The following GGA3 variants were observed in gnomAD, a reference collection of about 807,000 sequenced individuals.
GGA3 encodes the protein ADP-ribosylation factor-binding protein GGA3.
A neutral mutation model predicts 77.5 loss-of-function variants in GGA3; 57 were observed. The observed-to-expected ratio is 0.74, with a 90% CI of 0.59 to 0.92. The LOEUF (loss-of-function observed/expected upper bound fraction) is 0.92, where lower values mean the gene tolerates loss of function less well. GGA3 is among the 40% of genes least tolerant of loss of function. GGA3 has a pLI of 0.00. For synonymous variants in GGA3, 416 were observed against 383.7 expected (o/e 1.08, Z -0.98); for missense variants, 970 against 914.9 (o/e 1.06, Z -0.78).
chr17:75,257,455 T>C (rs963046909), intron 1 of GGA3, among the ~76,000 whole-genome samples: 1 of 152,210 alleles, frequency 6.6e-6, no homozygotes, highest in African/African-American at 2.4e-5. Context: ...ACTGCCACTC[T>C]TAACTCTTGA....
chr17:75,238,520 T>TA, intron 16 of GGA3, 131 bp from the exon 17 acceptor site: 1 of 979,686 alleles, frequency 1.0e-6, no homozygotes, highest in East Asian at 2.5e-5. Context: ...CTCAGACACT[T>TA]AACCTAAGGC....
Position 75,261,598 on chromosome 17 carries a change from C to A in GGA3, c.-11G>T. On this transcript the variant is annotated 5_prime_UTR_variant, in exon 1 of 17. Transcript: ENST00000537686. ...TTCCGCCTCCGCCATATTGCAGCCG[C>A]CCGGCCCCGCGGCTTCAAAACTCGC... 1 of 1,544,296 alleles carries A rather than the reference C, an allele frequency of 6.5e-7. No individual in the cohort carries two copies. Among genetic ancestry groups the A allele is most frequent in the Non-Finnish European group, 8.7e-7 (1 of 1,145,966 alleles).
rs1423267435 is a variant in GGA3, at chr17:75,240,393, A to G, written c.1212T>C (p.Pro404=). ...LLCLGLADPA[P]NVPPKESAGN... ...CAGCTGACTCTTTGGGAGGAACATT[A>G]GGGGCTGGGTCGGCGAGGCCTGACA... Residue 404 remains proline, a synonymous_variant, in exon 12 of 17, where the codon CCT becomes CCC. Transcript: ENST00000537686. 4 of 1,599,264 alleles carry G rather than the reference A, an allele frequency of 2.5e-6. No individual in the cohort carries two copies. The highest frequency in any genetic ancestry group is 3.4e-6 in the Non-Finnish European group (4 of 1,173,486).
At chr17:75,241,283 G>T (rs2076546278) in intron 10 of GGA3, 117 bp downstream of exon 10, 3 of 787,478 alleles carry the variant, frequency 3.8e-6, no homozygotes, top group Admixed American at 4.5e-5. Flanking sequence ...GAATGGCAAA[G>T]AACTCCCTTG....
Position 75,253,327 on chromosome 17 carries a change from G to A in GGA3, c.41-6531C>T, listed in dbSNP as rs1038136908. Among the ~76,000 whole-genome samples the A allele has an allele frequency of 7.2e-4, 110 of 152,052 alleles. 1 individual carries two copies. Among genetic ancestry groups the A allele is most frequent in the Non-Finnish European group, 6.9e-4 (47 of 68,016 alleles). ...CTTTCATTTTCTGGTAGAGACAAACGAGACACGTTTTATCCGTGGACCCAA... is the reference window on the plus strand; with the variant it reads ...CTTTCATTTTCTGGTAGAGACAAACAAGACACGTTTTATCCGTGGACCCAA... On this transcript the variant is annotated intron_variant, in intron 1 of 16. Transcript: ENST00000537686.
At position 75,236,760 on chromosome 17, in the gene GGA3, G is replaced by A; in HGVS notation, c.*1519C>T. The A allele has an allele frequency of 6.5e-6, 1 of 153,874 alleles. No individual in the cohort carries two copies. Among genetic ancestry groups the A allele is most frequent in the Middle Eastern group, 3.2e-3 (1 of 316 alleles). The allele number at this position is 153,874 out of a possible 1,614,324, so 9.5% of individuals were successfully genotyped here. On this transcript the variant is annotated 3_prime_UTR_variant, in exon 17 of 17. Transcript: ENST00000537686. The stretch of plus-strand genomic sequence containing the variant: ...TAACACAAAGTTCCATTTCCACATA[G>A]TAATTCCACAGACATTCCCAGGGCT...
At chr17:75,243,939 T>C (rs2076663923) in intron 4 of GGA3, among the ~76,000 whole-genome samples, 1 of 152,148 alleles carries the variant, frequency 6.6e-6, no homozygotes, top group Admixed American at 6.5e-5. Flanking sequence ...GATGGAAACC[T>C]GAGTCTGACA....
At chr17:75,259,811 A>T (rs553679049) in intron 1 of GGA3, among the ~76,000 whole-genome samples, 2 of 152,276 alleles carry the variant, frequency 1.3e-5, no homozygotes, top group East Asian at 1.9e-4. Context: ...GTCTCTACAG[A>T]TACCATGTGA....
At position 75,239,380 on chromosome 17, in the gene GGA3, T is replaced by C; in HGVS notation, c.1775A>G (p.Lys592Arg). ...ASIHVPLESI[K>R]PSSALPVTAY... ...CTCAATCCTCCAACACCTACTAGGC[T>C]TGATCGATTCCAGGGGCACGTGGAT... The change falls in exon 14 of 17, where the codon AAG (lysine) becomes AGG (arginine). Residue 592 changes from lysine (K) to arginine (R), a missense_variant. By Grantham distance (26) the Lys-to-Arg change is conservative (BLOSUM62 2). Coordinates refer to ENST00000537686, the MANE Select transcript of GGA3 (RefSeq NM_138619.4). 6.5e-7 allele frequency: 1 copy of C among 1,545,644 alleles called. No individual in the cohort carries two copies. Among genetic ancestry groups the C allele is most frequent in the Non-Finnish European group, 8.7e-7 (1 of 1,152,598 alleles).
At chr17:75,252,391 A>G (rs1211498725) in intron 1 of GGA3, among the ~76,000 whole-genome samples, 9 of 152,180 alleles carry the variant, frequency 5.9e-5, no homozygotes, top group Admixed American at 2.0e-4. Flanking sequence ...CATGTGGTCT[A>G]TTAAGTCACT....
chr17:75,242,803 C>G (rs1214071024), intron 7 of GGA3, 28 bp downstream of exon 7: 3 of 1,571,276 alleles, frequency 1.9e-6, no homozygotes, highest in Non-Finnish European at 2.6e-6. Flanking sequence ...TCCTCCACCC[C>G]GTGCCTGAAG....
rs2076417152 is a variant in GGA3, at chr17:75,238,868, A to G, written c.1950+46T>C. 3.1e-6 allele frequency: 5 copies of G among 1,606,162 alleles called. No homozygotes were observed. In the African/African-American group the frequency reaches 5.3e-5, roughly 17 times the overall value. ...TGCTGGCTGCAAAGGCCTCTACACAACAGGGTCAAGATAAGGCCGTTTTGG... is the reference window on the plus strand; with the variant it reads ...TGCTGGCTGCAAAGGCCTCTACACAGCAGGGTCAAGATAAGGCCGTTTTGG... On this transcript the variant is annotated intron_variant, in intron 15 of 16. Transcript: ENST00000537686.
chr17:75,240,217 C>G, intron 12 of GGA3, 109 bp from the exon 13 acceptor site: 1 of 1,154,774 alleles, frequency 8.7e-7, no homozygotes, highest in South Asian at 1.4e-5. Flanking sequence ...CGGAGGCACT[C>G]ATTGTTCCCC....
Position 75,246,571 on chromosome 17 carries a change from C to T in GGA3, c.139G>A (p.Val47Ile), listed in dbSNP as rs747091327. ...NKELEGPQIA[V>I]RLLAHKIQSP... Reference sequence around the variant, plus strand: ...TGGATCTTGTGGGCCAGCAGTCGGACGGCGATCTGTGGCCTGGGGGACAAG... The same window carrying T: ...TGGATCTTGTGGGCCAGCAGTCGGATGGCGATCTGTGGCCTGGGGGACAAG... Residue 47 changes from valine (V) to isoleucine (I), a missense_variant, in exon 3 of 17, where the codon GTC becomes ATC. Physicochemically the swap from Val to Ile is conservative, Grantham distance 29 (BLOSUM62 3). Coordinates refer to ENST00000537686, the MANE Select transcript of GGA3 (RefSeq NM_138619.4). 1.4e-5 allele frequency: 23 copies of T among 1,613,788 alleles called. No individual in the cohort carries two copies. The highest frequency in any genetic ancestry group is 5.0e-5 in the Admixed American group (3 of 60,026).
chr17:75,246,302 G>A (rs1257752753), intron 3 of GGA3, among the ~76,000 whole-genome samples: 5 of 152,200 alleles, frequency 3.3e-5, no homozygotes, highest in Admixed American at 1.3e-4. Context: ...GGACGGCACT[G>A]CAGTCACCTC....
rs543948130 is a variant in GGA3, at chr17:75,240,395, G to C, written c.1210C>G (p.Pro404Ala). 1.9e-5 allele frequency: 31 copies of C among 1,598,670 alleles called. No homozygotes were observed. In the East Asian group the frequency reaches 6.3e-4, roughly 32 times the overall value. ...LLCLGLADPA[P>A]NVPPKESAGN... is the part of the protein sequence containing the mutation. Reference sequence around the variant, plus strand: ...GCTGACTCTTTGGGAGGAACATTAGGGGCTGGGTCGGCGAGGCCTGACAAT... The same window carrying C: ...GCTGACTCTTTGGGAGGAACATTAGCGGCTGGGTCGGCGAGGCCTGACAAT... The change falls in exon 12 of 17, where the codon CCT becomes GCT. Residue 404 changes from proline to alanine, a missense_variant. By Grantham distance (27) the Pro-to-Ala change is conservative. Coordinates refer to ENST00000537686, the MANE Select transcript of GGA3 (RefSeq NM_138619.4).
Position 75,239,519 on chromosome 17 carries a change from G to C in GGA3, c.1636C>G (p.Pro546Ala). ...TTSPLIPTTT[P>A]ARPLLPFSTG... ...GAGAAGGGCAGGAGGGGCCTGGCTGGGGTGGTGGTGGGGATGAGAGGGGAG... is the reference window on the plus strand; with the variant it reads ...GAGAAGGGCAGGAGGGGCCTGGCTGCGGTGGTGGTGGGGATGAGAGGGGAG... The change falls in exon 14 of 17, where the codon CCA (proline) becomes GCA (alanine). Residue 546 changes from proline (P) to alanine (A), a missense_variant. Pro to Ala is a conservative substitution (Grantham distance 27). Transcript: ENST00000537686. The C allele has an allele frequency of 6.4e-7, 1 of 1,567,910 alleles. No homozygotes were observed. Among genetic ancestry groups the C allele is most frequent in the Non-Finnish European group, 8.6e-7 (1 of 1,159,826 alleles).
At position 75,239,905 on chromosome 17, in the gene GGA3, G is replaced by A. The variant is rs1319207286; in HGVS notation, c.1467C>T (p.Ala489=). Residue 489 remains alanine (A), a synonymous_variant, in exon 13 of 17, where the codon GCC becomes GCT. Coordinates refer to ENST00000537686, the MANE Select transcript of GGA3 (RefSeq NM_138619.4). ...GCTCAACTTTTGGGGCCAAGGCTGG[G>A]GCCACTCCAGTAGAAAACAAGGAGG... The part of the protein sequence containing the change: ...AGSSLFSTGV[A]PALAPKVEPA... 4 of 1,612,726 alleles carry A rather than the reference G, an allele frequency of 2.5e-6. No individual in the cohort carries two copies. Among genetic ancestry groups the A allele is most frequent in the Admixed American group, 3.3e-5 (2 of 59,790 alleles).
rs532492324 is a variant in GGA3 at position 75,237,554 on chromosome 17, C to T, written c.*725G>A. ...GCTTCTGGAGAAGGGGAAATACTGG[C>T]TCTCTTCATTTTCCTTCCTATCCCT... On this transcript the variant is annotated 3_prime_UTR_variant, in exon 17 of 17. Coordinates refer to ENST00000537686, the MANE Select transcript of GGA3 (RefSeq NM_138619.4). 1.9e-5 allele frequency: 29 copies of T among 1,535,758 alleles called. 1 individual carries two copies. In the Middle Eastern group the frequency reaches 1.2e-3, roughly 62 times the overall value.
Sources: gnomAD v4.1 joint callset for allele counts (sites outside exome capture counted in the v4.1 genomes callset) on GRCh38, gnomAD v4.1.1 for gene constraint, MANE v1.5 for transcripts, NCBI Gene and HGNC (gene_info 2026-07-23, HGNC 2026-07-21) for gene names.